The following EBF1 variants were observed in gnomAD, a reference collection of about 807,000 sequenced individuals.
The protein encoded by EBF1 is transcription factor COE1.
Under a neutral mutation model 68.4 loss-of-function variants are expected in EBF1, and 10 were observed. The observed-to-expected ratio is 0.15, with a 90% CI of 0.09 to 0.25. The LOEUF (loss-of-function observed/expected upper bound fraction) is 0.25. Among genes scored for constraint, EBF1 ranks in the 10% least tolerant of loss-of-function variants. The pLI is 1.00. For missense variants in EBF1, 509 were observed against 794.4 expected (o/e 0.64, Z 4.32); for synonymous variants, 298 against 299.8 (o/e 0.99, Z 0.06).
At chr5:158,936,391 A>G (rs1812022558) in intron 6 of EBF1, among the ~76,000 whole-genome samples, 1 of 152,222 alleles carries the variant, frequency 6.6e-6, no homozygotes. Context: ...GTTACTTTGT[A>G]TCCTAGAGAC....
chr5:158,909,118 G>GA (rs11297604), intron 6 of EBF1, among the ~76,000 whole-genome samples: 2,137 of 143,914 alleles, frequency 0.015, 19 homozygotes, highest in Non-Finnish European at 0.022. Context: ...ATGGGCAGCA[G>GA]AAAAAAAAAA....
intron 6 of EBF1, among the ~76,000 whole-genome samples, chr5:158,966,633 A>G (rs1754204640): frequency 6.6e-6 from 1 of 152,158 alleles, no homozygotes; most frequent in Non-Finnish European, 1.5e-5. Context: ...CCAAACACAT[A>G]TTCTTTTTCC....
At chr5:158,981,616 T>A (rs1757912176) in intron 6 of EBF1, among the ~76,000 whole-genome samples, 1 of 152,132 alleles carries the variant, frequency 6.6e-6, no homozygotes, top group Non-Finnish European at 1.5e-5. Flanking sequence ...AGTATAATAT[T>A]AAAATATTAA....
intron 6 of EBF1, among the ~76,000 whole-genome samples, chr5:158,960,996 CATAAGGGAAAAAA>C (rs1481706602): frequency 6.6e-6 from 1 of 151,814 alleles, no homozygotes; most frequent in Non-Finnish European, 1.5e-5. Flanking sequence ...AATAAAAGCC[CATAAGGGAAAAAA>C]ATAAGGGAGA....
intron 10 of EBF1, among the ~76,000 whole-genome samples, chr5:158,748,416 A>G (rs1404578853): frequency 6.6e-6 from 1 of 152,232 alleles, no homozygotes; most frequent in Non-Finnish European, 1.5e-5. Flanking sequence ...TTAACTGCTC[A>G]TAACCCAGAA....
intron 8 of EBF1, among the ~76,000 whole-genome samples, chr5:158,811,874 A>C (rs1782738062): frequency 6.6e-6 from 1 of 152,094 alleles, no homozygotes; most frequent in South Asian, 2.1e-4. Flanking sequence ...TTTTATCCCC[A>C]CGTGGAATTT....
chr5:158,717,930 G>A (rs1013456817), intron 11 of EBF1, among the ~76,000 whole-genome samples: 25 of 152,144 alleles, frequency 1.6e-4, no homozygotes, highest in African/African-American at 6.0e-4. Flanking sequence ...GTTCTATGGA[G>A]AAAAATGTGG....
At chr5:158,767,021 ATTG>A (rs1772841518) in intron 10 of EBF1, among the ~76,000 whole-genome samples, 3 of 152,148 alleles carry the variant, frequency 2.0e-5, no homozygotes, top group Admixed American at 2.0e-4. Flanking sequence ...TCCTACTTTT[ATTG>A]TTAATAGCTT....
At chr5:158,794,027 C>T (rs2127737626) in intron 9 of EBF1, among the ~76,000 whole-genome samples, 1 of 152,296 alleles carries the variant, frequency 6.6e-6, no homozygotes, top group African/African-American at 2.4e-5. Context: ...ACTGCTAATG[C>T]AGTTGGATTT....
intron 11 of EBF1, among the ~76,000 whole-genome samples, chr5:158,720,735 T>C (rs1761767740): frequency 6.6e-6 from 1 of 152,152 alleles, no homozygotes; most frequent in Non-Finnish European, 1.5e-5. Context: ...CATGTTTCTG[T>C]TGAAAGGGGC....
intron 7 of EBF1, among the ~76,000 whole-genome samples, chr5:158,832,097 C>T (rs1787717284): frequency 6.6e-6 from 1 of 152,134 alleles, no homozygotes; most frequent in Non-Finnish European, 1.5e-5. Context: ...GCTGGTAAAT[C>T]CCAACAACTA....
chr5:158,705,096 C>G (rs1453020140), intron 15 of EBF1, among the ~76,000 whole-genome samples: 6 of 152,180 alleles, frequency 3.9e-5, no homozygotes, highest in Admixed American at 2.6e-4. Context: ...ATTCTCCTCC[C>G]TCAGTCATCC....
intron 7 of EBF1, among the ~76,000 whole-genome samples, chr5:158,828,584 A>G (rs1562049837): frequency 6.6e-6 from 1 of 152,202 alleles, no homozygotes; most frequent in Non-Finnish European, 1.5e-5. Flanking sequence ...GTACTAGTAA[A>G]ACAAGGGAAA....
At chr5:158,801,785 C>A (rs1165632746) in intron 8 of EBF1, among the ~76,000 whole-genome samples, 1 of 152,042 alleles carries the variant, frequency 6.6e-6, no homozygotes, top group Admixed American at 6.6e-5. Context: ...CTCTATCTCC[C>A]GAGCATTTAT....
At chr5:159,010,814 A>G (rs1416697861) in intron 6 of EBF1, among the ~76,000 whole-genome samples, 2 of 152,276 alleles carry the variant, frequency 1.3e-5, no homozygotes, top group Non-Finnish European at 2.9e-5. Context: ...GAGATGATGT[A>G]CGCCACAGGG....
At chr5:158,893,884 T>A (rs7379341) in intron 6 of EBF1, among the ~76,000 whole-genome samples, 8,028 of 152,210 alleles carry the variant, frequency 0.053, 287 homozygotes, top group Non-Finnish European at 0.071. Flanking sequence ...GGGACCAAAT[T>A]ACAGTTTCAA....
chr5:158,786,391 GGTTA>G (rs1777453201), intron 9 of EBF1, among the ~76,000 whole-genome samples: 1 of 150,850 alleles, frequency 6.6e-6, no homozygotes, highest in African/African-American at 2.5e-5. Flanking sequence ...TGGTTTTGTG[GGTTA>G]TTTATTTATT....
At chr5:158,744,475 C>A (rs1767123898) in intron 10 of EBF1, among the ~76,000 whole-genome samples, 2 of 152,184 alleles carry the variant, frequency 1.3e-5, no homozygotes, top group East Asian at 1.9e-4. Context: ...TAAATGTAAG[C>A]AAATTTGTAA....
chr5:158,989,918 T>C (rs1220059817), intron 6 of EBF1, among the ~76,000 whole-genome samples: 2 of 152,146 alleles, frequency 1.3e-5, no homozygotes, highest in Non-Finnish European at 2.9e-5. Context: ...CTTCAGGAAC[T>C]TGCAGTCTTG....
Sources: allele counts gnomAD v4.1 joint callset (sites outside exome capture counted in the v4.1 genomes callset), GRCh38; gene constraint gnomAD v4.1.1; transcripts MANE v1.5; gene names NCBI Gene and HGNC (gene_info 2026-07-23, HGNC 2026-07-21).